The following BIRC6 variants were observed in gnomAD, a reference collection of about 807,000 sequenced individuals.
BIRC6 encodes the protein dual E2 ubiquitin-conjugating enzyme/E3 ubiquitin-protein ligase BIRC6.
A neutral mutation model predicts 503.3 loss-of-function variants in BIRC6; 98 were observed. The observed-to-expected ratio is 0.19, with a 90% confidence interval of 0.17 to 0.23. The LOEUF is 0.23. Among genes scored for constraint, BIRC6 ranks in the 10% least tolerant of loss-of-function variants. The probability of loss-of-function intolerance (pLI) is 1.00; values close to 1 mark genes in which losing one functional copy is unlikely to be tolerated. For synonymous variants in BIRC6, 2,240 were observed against 2,078.7 expected (o/e 1.08, Z -2.11); for missense variants, 5,360 against 5,806.0 (o/e 0.92, Z 2.50).
intron 1 of BIRC6, among the ~76,000 whole-genome samples, chr2:32,363,891 C>T (rs918248027): frequency 1.3e-5 from 2 of 152,086 alleles, no homozygotes; most frequent in Admixed American, 6.6e-5. Context: ...CCACACTCCT[C>T]GTGATTACTT....
In BIRC6 at chr2:32,467,598, A is replaced by G; in HGVS notation, c.5430A>G (p.Gly1810=). 6.2e-7 allele frequency: 1 copy of G among 1,613,870 alleles called. No individual in the cohort carries two copies. Among genetic ancestry groups the G allele is most frequent in the Non-Finnish European group, 8.5e-7 (1 of 1,179,864 alleles). ...CTGATGTATTGATTCCCACTTGTGG[A>G]GACTTGGCCTCTTTGTCAATTGACA... is the stretch of plus-strand genomic sequence containing the variant. ...LLTDVLIPTC[G]DLASLSIDIW... The change falls in exon 27 of 74, where the codon GGA becomes GGG. Residue 1810 remains glycine, a synonymous_variant. Transcript: ENST00000421745.
chr2:32,600,350 T>G (rs1466962823), intron 70 of BIRC6, among the ~76,000 whole-genome samples: 1 of 152,228 alleles, frequency 6.6e-6, no homozygotes, highest in Non-Finnish European at 1.5e-5. Flanking sequence ...TTGGATACTT[T>G]GATAGAATTT....
At position 32,617,752 on chromosome 2, in the gene BIRC6, T is replaced by A; in HGVS notation, c.14422T>A (p.Leu4808Met). ...KRHTAQLREE[L>M]LKLPCPEGLD... The stretch of plus-strand genomic sequence containing the variant: ...TCACACTGCTCAGCTCCGCGAAGAG[T>A]TGCTGAAACTTCCCTGCCCTGAAGG... Residue 4808 changes from leucine to methionine, a missense_variant, in exon 74 of 74, where the codon TTG becomes ATG. Physicochemically the swap from Leu to Met is conservative, Grantham distance 15 (BLOSUM62 2). Coordinates refer to ENST00000421745, the MANE Select transcript of BIRC6 (RefSeq NM_016252.4). 1 of 1,613,880 alleles carries A rather than the reference T, an allele frequency of 6.2e-7. No homozygotes were observed. The highest frequency in any genetic ancestry group is 8.5e-7 in the Non-Finnish European group (1 of 1,179,870).
At chr2:32,611,414 A>G (rs2062867204) in intron 72 of BIRC6, 34 bp from the exon 73 acceptor site, 3 of 1,565,826 alleles carry the variant, frequency 1.9e-6, no homozygotes, top group Non-Finnish European at 2.6e-6. Context: ...TTGACTGTAA[A>G]CACTGCTTGT....
chr2:32,544,438 A>G (rs1290160902), intron 62 of BIRC6, among the ~76,000 whole-genome samples: 1 of 150,790 alleles, frequency 6.6e-6, no homozygotes, highest in Non-Finnish European at 1.5e-5. Context: ...GGATAGCCTC[A>G]CAAGTAGATT....
Position 32,469,529 on chromosome 2 carries a change from G to A in BIRC6, c.6262G>A (p.Gly2088Ser). 6.2e-7 allele frequency: 1 copy of A among 1,613,868 alleles called. No individual in the cohort carries two copies. Among genetic ancestry groups the A allele is most frequent in the Admixed American group, 1.7e-5 (1 of 60,016 alleles). Reference sequence around the variant, plus strand: ...TCTTCTTCTTGTTCAACTGTGTGGTGGTGAAAGGTGGTGGGGTCAATTTCT... The same window carrying A: ...TCTTCTTCTTGTTCAACTGTGTGGTAGTGAAAGGTGGTGGGGTCAATTTCT... ...TGLLLVQLCGGERWWGQFLSN... is the reference protein window; with the variant it reads ...TGLLLVQLCGSERWWGQFLSN... Residue 2088 changes from glycine (G) to serine (S), a missense_variant, in exon 30 of 74, where the codon GGT becomes AGT. Coordinates refer to ENST00000421745, the MANE Select transcript of BIRC6 (RefSeq NM_016252.4).
chr2:32,366,146 C>G (rs903403857), intron 1 of BIRC6, among the ~76,000 whole-genome samples: 2 of 152,226 alleles, frequency 1.3e-5, no homozygotes, highest in African/African-American at 2.4e-5. Context: ...GCTGGGATTA[C>G]AGGCATGAGC....
Position 32,453,664 on chromosome 2 carries a change from C to G in BIRC6, c.4619-144C>G, listed in dbSNP as rs1160400150. On this transcript the variant is annotated intron_variant, in intron 22 of 73. Transcript: ENST00000421745. ...TGCTGTTTTGTCAGTTTTCTTAATA[C>G]CATGCCCATGATTCAAGCACTGTGT... 1.9e-5 allele frequency: 14 copies of G among 735,008 alleles called. No individual in the cohort carries two copies. In the South Asian group the frequency reaches 3.5e-4, roughly 18 times the overall value. 45.5% of individuals were successfully genotyped at this position (735,008 alleles called of 1,614,324 possible).
At chr2:32,434,454 C>CACATCTG (rs1317871831) in intron 13 of BIRC6, among the ~76,000 whole-genome samples, 1 of 151,946 alleles carries the variant, frequency 6.6e-6, no homozygotes, top group Non-Finnish European at 1.5e-5. Context: ...TTTCACATCC[C>CACATCTG]AGGAGTCAAC....
Position 32,499,932 on chromosome 2 carries a change from G to C in BIRC6, c.8854G>C (p.Asp2952His). 1.2e-6 allele frequency: 2 copies of C among 1,614,016 alleles called. No homozygotes were observed. The highest frequency in any genetic ancestry group is 1.7e-5 in the Admixed American group (1 of 60,028). Residue 2952 changes from aspartate (D) to histidine (H), a missense_variant, in exon 46 of 74, where the codon GAT becomes CAT. Physicochemically the swap from Asp to His is moderately conservative, Grantham distance 81. Transcript: ENST00000421745. ...ARVSVTTNTTDSVSDEEKVSG... is the reference protein window; with the variant it reads ...ARVSVTTNTTHSVSDEEKVSG... Reference sequence around the variant, plus strand: ...AGTGTCTGTGACCACAAATACAACAGATAGTGTTTCAGATGAAGAAAAAGT... The same window carrying C: ...AGTGTCTGTGACCACAAATACAACACATAGTGTTTCAGATGAAGAAAAAGT...
chr2:32,471,061 A>C lies in BIRC6; in HGVS notation c.6529A>C (p.Arg2177=), dbSNP rs992049840. The C allele has an allele frequency of 1.9e-6, 3 of 1,583,464 alleles. No individual in the cohort carries two copies. Among genetic ancestry groups the C allele is most frequent in the African/African-American group, 2.7e-5 (2 of 74,560 alleles). The change falls in exon 32 of 74, where the codon AGG becomes CGG. Residue 2177 remains arginine, a synonymous_variant. Coordinates refer to ENST00000421745, the MANE Select transcript of BIRC6 (RefSeq NM_016252.4). ...MISWVVMLVS[R]LLDYVATVED... is the part of the protein sequence containing the mutation. ...CAGTTGGGTTGTTATGCTGGTGTCC[A>C]GGTTGCTGGATTATGTGGCAACTGT...
intron 6 of BIRC6, among the ~76,000 whole-genome samples, chr2:32,397,713 C>CAT (rs531537145): frequency 1.3e-5 from 2 of 150,124 alleles, no homozygotes; most frequent in African/African-American, 4.9e-5. Context: ...CACACACACA[C>CAT]ATATATACAC....
intron 13 of BIRC6, among the ~76,000 whole-genome samples, chr2:32,434,457 G>A (rs552921201): frequency 6.6e-6 from 1 of 152,112 alleles, no homozygotes; most frequent in Non-Finnish European, 1.5e-5. Flanking sequence ...CACATCCCAG[G>A]AGTCAACCAA....
At chr2:32,548,329 T>TA (rs1361002466) in intron 64 of BIRC6, among the ~76,000 whole-genome samples, 9 of 141,470 alleles carry the variant, frequency 6.4e-5, no homozygotes, top group Admixed American at 4.2e-4. Flanking sequence ...TTTTTTTTTT[T>TA]AAGTGTTATT....
At chr2:32,429,856 C>T (rs1419695381) in intron 11 of BIRC6, among the ~76,000 whole-genome samples, 1 of 151,994 alleles carries the variant, frequency 6.6e-6, no homozygotes, top group Non-Finnish European at 1.5e-5. Flanking sequence ...CTTGAGTTAA[C>T]CAAGGTGTCT....
At position 32,435,513 on chromosome 2, in the gene BIRC6, G is replaced by T; in HGVS notation, c.3427G>T (p.Glu1143Ter). 1 of 1,553,822 alleles carries T rather than the reference G, an allele frequency of 6.4e-7. No homozygotes were observed. The highest frequency in any genetic ancestry group is 8.7e-7 in the Non-Finnish European group (1 of 1,147,724). ...GTCTCCAGCTCTTAACATTGAAGTG[G>T]AACAAAATGGGAAACCGTCCCTGGT... ...GKVNALNIEV[E>*]QNGKPSLVDL... Residue 1143 changes from glutamate to a stop codon, truncating the protein, a stop_gained, in exon 14 of 74, where the codon GAA becomes TAA. Transcript: ENST00000421745. LOFTEE classifies it high-confidence loss of function.
At position 32,560,388 on chromosome 2, in the gene BIRC6, T is replaced by C. The variant is rs76313168; in HGVS notation, c.13144+10907T>C. On this transcript the variant is annotated intron_variant, in intron 65 of 73. Transcript: ENST00000421745. ...TTGCTAGCTTTTGCCTTCATACTCC[T>C]TGATATGAAGAGAATATCTTCTTCT... Among the ~76,000 whole-genome samples, 66 of 152,326 alleles carry C rather than the reference T, an allele frequency of 4.3e-4. No individual in the cohort carries two copies. The East Asian group carries it at 0.011, about 25-fold the overall frequency.
At chr2:32,382,246 G>A (rs1326747831) in intron 3 of BIRC6, among the ~76,000 whole-genome samples, 1 of 152,212 alleles carries the variant, frequency 6.6e-6, no homozygotes, top group Non-Finnish European at 1.5e-5. Flanking sequence ...CAGGAGCTTG[G>A]ACGAGGGCGT....
intron 26 of BIRC6, among the ~76,000 whole-genome samples, chr2:32,465,945 T>G (rs1003644088): frequency 2.0e-4 from 31 of 152,332 alleles, no homozygotes; most frequent in African/African-American, 7.5e-4. Flanking sequence ...GTAACAACAT[T>G]AGTGTTGATG....
Sources: allele counts gnomAD v4.1 joint callset (sites outside exome capture counted in the v4.1 genomes callset), GRCh38; gene constraint gnomAD v4.1.1; transcripts MANE v1.5; gene names NCBI Gene and HGNC (gene_info 2026-07-23, HGNC 2026-07-21).